The following NOX4 variants were observed in gnomAD, a reference collection of about 807,000 sequenced individuals.
NOX4 encodes kidney oxidase-1.
A neutral mutation model predicts 87.6 loss-of-function variants in NOX4; 69 were observed. The observed-to-expected ratio is 0.79, with a 90% CI of 0.65 to 0.96. The LOEUF (loss-of-function observed/expected upper bound fraction) is 0.96, where lower values mean the gene tolerates loss of function less well. NOX4 is among the 40% of genes least tolerant of loss of function. The probability of loss-of-function intolerance (pLI) is 0.00; values close to 1 mark genes in which losing one functional copy is unlikely to be tolerated. For synonymous variants in NOX4, 275 were observed against 238.2 expected (o/e 1.15, Z -1.42); for missense variants, 680 against 681.5 (o/e 1.00, Z 0.02).
intron 4 of NOX4, 85 bp downstream of exon 4, chr11:89,449,355 C>A (rs1305551672): frequency 3.0e-6 from 3 of 1,014,810 alleles, no homozygotes; most frequent in Non-Finnish European, 4.3e-6. Flanking sequence ...GGAAAACTTT[C>A]TCTGATCATT....
intron 7 of NOX4, among the ~76,000 whole-genome samples, chr11:89,422,512 A>G (rs1158997460): frequency 6.6e-6 from 1 of 152,196 alleles, no homozygotes; most frequent in East Asian, 1.9e-4. Flanking sequence ...AAAGACACTG[A>G]AAAGACAGAG....
At chr11:89,423,993 G>A (rs895066413) in intron 7 of NOX4, among the ~76,000 whole-genome samples, 17 of 152,018 alleles carry the variant, frequency 1.1e-4, no homozygotes, top group African/African-American at 4.1e-4. Context: ...CTTGAGCCTG[G>A]GAGGTCAAGG....
At chr11:89,511,016 C>T in the NOX4 span, among the ~76,000 whole-genome samples, 1 of 151,980 alleles carries the variant, frequency 6.6e-6, no homozygotes, top group Non-Finnish European at 1.5e-5. Context: ...TTTGTAATTG[C>T]ATTATTTTTT....
At chr11:89,438,916 TAAAA>T (rs1565294323) in intron 6 of NOX4, among the ~76,000 whole-genome samples, 64 of 67,870 alleles carry the variant, frequency 9.4e-4, no homozygotes, top group Middle Eastern at 0.017. Flanking sequence ...ATATATAATA[TAAAA>T]TATATATAAT....
At chr11:89,555,147 T>C in the NOX4 span, among the ~76,000 whole-genome samples, 1 of 151,324 alleles carries the variant, frequency 6.6e-6, no homozygotes, top group East Asian at 1.9e-4. Flanking sequence ...TCCATTCTTT[T>C]TGCTGGTTCT....
At chr11:89,421,840 T>G (rs1943097864) in intron 8 of NOX4, 62 bp downstream of exon 8, 1 of 978,838 alleles carries the variant, frequency 1.0e-6, no homozygotes, top group Admixed American at 2.6e-5. Context: ...CCTATAGAGT[T>G]TTCTTTCATT....
intron 11 of NOX4, among the ~76,000 whole-genome samples, chr11:89,387,936 A>T (rs1940829942): frequency 6.6e-6 from 1 of 152,210 alleles, no homozygotes; most frequent in East Asian, 1.9e-4. Flanking sequence ...TACATTCTAC[A>T]CAGGTTTTAA....
chr11:89,464,575 A>AT (rs1001899118), intron 2 of NOX4, among the ~76,000 whole-genome samples: 11 of 152,266 alleles, frequency 7.2e-5, no homozygotes, highest in African/African-American at 1.9e-4. Flanking sequence ...TCAGGTGTTT[A>AT]TTTTTAAAAA....
intron 2 of NOX4, among the ~76,000 whole-genome samples, chr11:89,486,525 T>C (rs532229272): frequency 5.2e-4 from 77 of 147,972 alleles, no homozygotes; most frequent in South Asian, 3.6e-3. Flanking sequence ...CATACATATA[T>C]ATGTGTATAT....
At chr11:89,481,122 C>T (rs1471401560) in intron 2 of NOX4, among the ~76,000 whole-genome samples, 17 of 152,008 alleles carry the variant, frequency 1.1e-4, no homozygotes, top group Non-Finnish European at 2.5e-4. Context: ...ATTAAGCACC[C>T]TTGTGAGCAC....
At position 89,449,485 on chromosome 11, in the gene NOX4, T is replaced by C. The variant is rs2135382432; in HGVS notation, c.304A>G (p.Arg102Gly). ...ACACCACAGGTAATATGGAATGTTC[T>C]GCTTTTATCCAACAATCTCCTGGTT... is the stretch of plus-strand genomic sequence containing the variant. ...RRTRRLLDKS[R>G]TFHITCGVTI... The change falls in exon 4 of 18, where the codon AGA (arginine) becomes GGA (glycine). Residue 102 changes from arginine to glycine, a missense_variant. By Grantham distance (125) the Arg-to-Gly change is moderately radical (BLOSUM62 -2). Transcript: ENST00000263317. The C allele has an allele frequency of 6.2e-7, 1 of 1,612,584 alleles. No individual in the cohort carries two copies. Among genetic ancestry groups the C allele is most frequent in the Non-Finnish European group, 8.5e-7 (1 of 1,179,138 alleles).
chr11:89,581,164 G>A, the NOX4 span, among the ~76,000 whole-genome samples: 2 of 152,134 alleles, frequency 1.3e-5, no homozygotes, highest in African/African-American at 2.4e-5. Flanking sequence ...TGTGGGTAAG[G>A]CATGTGCTGG....
chr11:89,369,039 C>G (rs893649084), intron 12 of NOX4, among the ~76,000 whole-genome samples: 2 of 151,778 alleles, frequency 1.3e-5, no homozygotes, highest in African/African-American at 4.8e-5. Flanking sequence ...TATTTTAAAC[C>G]TGTTCTTTAG....
the NOX4 span, among the ~76,000 whole-genome samples, chr11:89,558,383 T>A: frequency 6.6e-6 from 1 of 152,158 alleles, no homozygotes; most frequent in Non-Finnish European, 1.5e-5. Context: ...TATCTCAGTA[T>A]GTCTACTTTC....
At chr11:89,564,084 T>A in the NOX4 span, among the ~76,000 whole-genome samples, 1 of 152,160 alleles carries the variant, frequency 6.6e-6, no homozygotes, top group Non-Finnish European at 1.5e-5. Flanking sequence ...ATTTGAAATG[T>A]ACCGTATTAT....
At chr11:89,471,837 G>T (rs775396444) in intron 2 of NOX4, among the ~76,000 whole-genome samples, 3 of 152,168 alleles carry the variant, frequency 2.0e-5, no homozygotes, top group Non-Finnish European at 2.9e-5. Flanking sequence ...CGCCTCCTGG[G>T]TTCAAGCTAT....
intron 4 of NOX4, among the ~76,000 whole-genome samples, chr11:89,445,624 C>G (rs180896682): frequency 2.0e-5 from 3 of 152,036 alleles, no homozygotes; most frequent in African/African-American, 7.2e-5. Context: ...GAAGAAAATG[C>G]GTTTGTCACA....
At position 89,342,596 on chromosome 11, in the gene NOX4, T is replaced by C. The variant is rs552520618; in HGVS notation, c.1218-403A>G. ...CTAAATTCAATAAACATTTTTTCAA[T>C]GGCTAGATCAGTACTGGAAATACTT... On this transcript the variant is annotated intron_variant, in intron 13 of 17. Coordinates refer to ENST00000263317, the MANE Select transcript of NOX4 (RefSeq NM_016931.5). Among the ~76,000 whole-genome samples the C allele has an allele frequency of 3.3e-5, 5 of 152,284 alleles. No homozygotes were observed. The East Asian group carries it at 9.6e-4, about 29-fold the overall frequency.
At chr11:89,438,737 T>A (rs1944246244) in intron 6 of NOX4, among the ~76,000 whole-genome samples, 1 of 73,934 alleles carries the variant, frequency 1.4e-5, no homozygotes, top group South Asian at 4.2e-4. Context: ...TCATATATAC[T>A]ATATATAATA....
Sources: allele counts gnomAD v4.1 joint callset (sites outside exome capture counted in the v4.1 genomes callset), GRCh38; gene constraint gnomAD v4.1.1; transcripts MANE v1.5; gene names NCBI Gene and HGNC (gene_info 2026-07-23, HGNC 2026-07-21).